FGF13: variants seen among roughly 807,000 people sequenced by gnomAD.
FGF13 encodes the protein fibroblast growth factor homologous factor 2.
FGF13 carries 2 observed loss-of-function variants against 19.5 expected under a neutral mutation model. That is an observed-to-expected ratio of 0.10 (90% CI 0.04 to 0.32). FGF13 has a LOEUF of 0.32. Ranked by LOEUF, FGF13 falls within the 10% of genes least tolerant of loss-of-function variation. The pLI is 1.00. For synonymous variants in FGF13, 72 were observed against 76.9 expected, an observed-to-expected ratio of 0.94 and a Z score of 0.33; for missense variants, 113 against 192.7, an observed-to-expected ratio of 0.59 and a Z score of 2.45.
intron 1 of FGF13, among the ~76,000 whole-genome samples, chrX:138,952,068 A>G (rs1380650677): frequency 1.8e-5 from 2 of 111,703 alleles, no homozygotes; most frequent in Non-Finnish European, 3.8e-5. Context: ...ACAGAATTGG[A>G]AAAAACTACT....
At chrX:138,808,608 A>C (rs1019816113) in intron 3 of FGF13, among the ~76,000 whole-genome samples, 6 of 111,704 alleles carry the variant, frequency 5.4e-5, no homozygotes, top group African/African-American at 2.0e-4. Flanking sequence ...GAACTGAAGG[A>C]GATAGAGACA....
At chrX:138,710,032 C>T (rs1020097244) in intron 1 of FGF13, among the ~76,000 whole-genome samples, 4 of 111,004 alleles carry the variant, frequency 3.6e-5, no homozygotes, top group African/African-American at 1.3e-4. Flanking sequence ...AAACTGCATG[C>T]TCGCCTGAAG....
intron 1 of FGF13, among the ~76,000 whole-genome samples, chrX:139,090,483 T>C (rs1340233921): frequency 1.8e-5 from 2 of 111,742 alleles, no homozygotes; most frequent in Non-Finnish European, 3.8e-5. Flanking sequence ...TCAGGTCTGT[T>C]ACATAGGTAA....
At chrX:138,653,463 A>G (rs1257039200) in intron 3 of FGF13, among the ~76,000 whole-genome samples, 1 of 112,015 alleles carries the variant, frequency 8.9e-6, no homozygotes, top group Non-Finnish European at 1.9e-5. Flanking sequence ...ATTTTTAATT[A>G]AAAATTGAAT....
chrX:138,728,045 G>T (rs1452309994), intron 1 of FGF13, among the ~76,000 whole-genome samples: 1 of 111,447 alleles, frequency 9.0e-6, no homozygotes, highest in Non-Finnish European at 1.9e-5. Flanking sequence ...AGAAAAATGC[G>T]TGAATTAATA....
At chrX:138,770,251 G>A (rs182961586) in intron 3 of FGF13, among the ~76,000 whole-genome samples, 28 of 111,482 alleles carry the variant, frequency 2.5e-4, no homozygotes, top group Non-Finnish European at 4.0e-4. Flanking sequence ...ACCCCACAGG[G>A]CATTGTTTAA....
At chrX:138,759,818 T>C (rs1353006774) in intron 3 of FGF13, among the ~76,000 whole-genome samples, 3 of 112,100 alleles carry the variant, frequency 2.7e-5, no homozygotes, top group Non-Finnish European at 5.6e-5. Flanking sequence ...GTTGTGAGGC[T>C]AGAGCAGTAA....
chrX:138,865,745 A>C (rs1192956685), intron 1 of FGF13, among the ~76,000 whole-genome samples: 1 of 111,326 alleles, frequency 9.0e-6, no homozygotes, highest in Non-Finnish European at 1.9e-5. Context: ...TTTAAAAATG[A>C]CCATCTCTTG....
chrX:138,937,288 T>C (rs1392515115), intron 1 of FGF13, among the ~76,000 whole-genome samples: 1 of 111,540 alleles, frequency 9.0e-6, no homozygotes, highest in Non-Finnish European at 1.9e-5. Context: ...ATGGCAAGGA[T>C]GTAGCAAATA....
At chrX:139,136,989 T>C (rs1393732309) in intron 1 of FGF13, among the ~76,000 whole-genome samples, 1 of 112,115 alleles carries the variant, frequency 8.9e-6, no homozygotes, top group Non-Finnish European at 1.9e-5. Context: ...AGGCCTACTC[T>C]GCTAACTCTT....
At chrX:138,861,304 A>G (rs900116669) in intron 2 of FGF13, among the ~76,000 whole-genome samples, 3 of 112,563 alleles carry the variant, frequency 2.7e-5, no homozygotes, top group Non-Finnish European at 5.6e-5. Context: ...AACTAGAGGT[A>G]AAGAAAGAAC....
At chrX:139,165,546 C>T (rs140777255) in intron 1 of FGF13, among the ~76,000 whole-genome samples, 22 of 111,508 alleles carry the variant, frequency 2.0e-4, no homozygotes, top group African/African-American at 6.8e-4. Flanking sequence ...CTGCCCCTTC[C>T]ATCAGGGGCC....
intron 1 of FGF13, among the ~76,000 whole-genome samples, chrX:138,875,781 T>C (rs959703845): frequency 1.8e-5 from 2 of 111,255 alleles, no homozygotes; most frequent in Non-Finnish European, 3.8e-5. Flanking sequence ...AAACTTAAGC[T>C]GAAACACTGG....
At chrX:139,003,560 T>A (rs1284053146) in intron 1 of FGF13, among the ~76,000 whole-genome samples, 1 of 111,195 alleles carries the variant, frequency 9.0e-6, no homozygotes, top group Non-Finnish European at 1.9e-5. Context: ...CGCTGATTGG[T>A]GTGTTTACAA....
At chrX:138,758,882 A>C (rs1005267597) in intron 3 of FGF13, among the ~76,000 whole-genome samples, 1 of 112,203 alleles carries the variant, frequency 8.9e-6, no homozygotes, top group Non-Finnish European at 1.9e-5. Context: ...AAAGCGACTC[A>C]TGTGAATAAA....
intron 3 of FGF13, among the ~76,000 whole-genome samples, chrX:138,756,447 G>T (rs1569384823): frequency 8.9e-6 from 1 of 112,455 alleles, no homozygotes; most frequent in Non-Finnish European, 1.9e-5. Context: ...TAGCAGGCAG[G>T]CTCCTGGAGA....
intron 2 of FGF13, among the ~76,000 whole-genome samples, chrX:138,706,484 TA>T (rs1279503644): frequency 2.7e-5 from 3 of 111,844 alleles, no homozygotes; most frequent in Non-Finnish European, 3.8e-5. Flanking sequence ...TATGTCTGAA[TA>T]AAAATAACGC....
rs376916958 is a variant in FGF13, at chrX:138,978,238, G to T, written c.-112-113588C>A. ...GTAAATTTAATCTACTTTCCAACCT[G>T]TTTAATCTCTATGGGCTAGCTGCCC... On this transcript the variant is annotated intron_variant, in intron 1 of 2. Transcript: ENST00000421460. Among the ~76,000 whole-genome samples, 424 of 101,461 alleles carry T rather than the reference G, an allele frequency of 4.2e-3. 1 individual carries two copies. The highest frequency in any genetic ancestry group is 0.015 in the African/African-American group (403 of 27,315). 88.1% of individuals were successfully genotyped at this position (101,461 alleles called of 115,157 possible).
intron 3 of FGF13, among the ~76,000 whole-genome samples, chrX:138,775,680 T>C (rs372055009): frequency 1.8e-5 from 2 of 112,505 alleles, no homozygotes; most frequent in East Asian, 5.6e-4. Context: ...GTGGTAATGA[T>C]ATATCACTCC....
Sources: gnomAD v4.1 joint callset for allele counts (sites outside exome capture counted in the v4.1 genomes callset) on GRCh38, gnomAD v4.1.1 for gene constraint, MANE v1.5 for transcripts, NCBI Gene and HGNC (gene_info 2026-07-23, HGNC 2026-07-21) for gene names.